Variants in GBE1 observed in about 807,000 individuals in gnomAD.
The protein encoded by GBE1 is 1,4-alpha-glucan branching enzyme 1, also known as 1,4-alpha-glucan-branching enzyme.
A neutral mutation model predicts 88.8 loss-of-function variants in GBE1; 70 were observed. That is an observed-to-expected ratio of 0.79 (90% CI 0.65 to 0.96). The LOEUF (loss-of-function observed/expected upper bound fraction) is 0.96, where lower values mean the gene tolerates loss of function less well. Ranked by LOEUF, GBE1 falls within the 40% of genes least tolerant of loss-of-function variation. The pLI, the probability that GBE1 is intolerant of heterozygous loss-of-function variation, is 0.00. For synonymous variants in GBE1, 284 were observed against 300.1 expected (o/e 0.95, Z 0.56); for missense variants, 872 against 871.0 (o/e 1.00, Z -0.01).
intron 14 of GBE1, among the ~76,000 whole-genome samples, chr3:81,523,894 G>A (rs543876626): frequency 9.2e-5 from 14 of 151,576 alleles, no homozygotes; most frequent in South Asian, 2.1e-4. Context: ...TTGTTCATTC[G>A]TGTACTGATG....
chr3:81,607,502 T>C (rs762193968), intron 7 of GBE1, among the ~76,000 whole-genome samples: 3 of 152,082 alleles, frequency 2.0e-5, no homozygotes, highest in Non-Finnish European at 4.4e-5. Context: ...TGAGCCAAGA[T>C]TGAGCCACTG....
At chr3:81,738,253 T>C (rs1212947074) in intron 1 of GBE1, among the ~76,000 whole-genome samples, 1 of 151,378 alleles carries the variant, frequency 6.6e-6, no homozygotes, top group Non-Finnish European at 1.5e-5. Flanking sequence ...TTTATAGTCC[T>C]TTGGGTATAT....
chr3:81,571,250 T>C (rs1446997155), intron 12 of GBE1, among the ~76,000 whole-genome samples: 1 of 152,158 alleles, frequency 6.6e-6, no homozygotes, highest in Non-Finnish European at 1.5e-5. Context: ...AGGGAAGACA[T>C]TAGACATGGA....
intron 7 of GBE1, among the ~76,000 whole-genome samples, chr3:81,609,735 AC>A (rs1704147453): frequency 6.6e-6 from 1 of 152,118 alleles, no homozygotes; most frequent in East Asian, 1.9e-4. Flanking sequence ...TTTGATTTAT[AC>A]CTTTACAAAG....
chr3:81,582,018 A>G (rs997381551), intron 10 of GBE1, among the ~76,000 whole-genome samples: 2 of 150,734 alleles, frequency 1.3e-5, no homozygotes, highest in African/African-American at 4.9e-5. Context: ...CTTGCTTTAT[A>G]TTGTTTTGTT....
intron 12 of GBE1, among the ~76,000 whole-genome samples, chr3:81,566,849 G>A (rs1486413231): frequency 6.6e-6 from 1 of 152,076 alleles, no homozygotes; most frequent in Non-Finnish European, 1.5e-5. Flanking sequence ...TGGAACTACA[G>A]TTCTCCTTTA....
intron 1 of GBE1, among the ~76,000 whole-genome samples, chr3:81,714,325 T>C (rs894980768): frequency 1.3e-5 from 2 of 152,208 alleles, no homozygotes; most frequent in African/African-American, 4.8e-5. Context: ...ATCCTAATCC[T>C]ACTGCTTACC....
intron 9 of GBE1, among the ~76,000 whole-genome samples, chr3:81,588,767 C>T (rs1159626323): frequency 6.6e-6 from 1 of 152,116 alleles, no homozygotes; most frequent in Admixed American, 6.6e-5. Context: ...TTATTTCTTA[C>T]TATATAAACC....
intron 15 of GBE1, among the ~76,000 whole-genome samples, chr3:81,490,718 G>A (rs1702425491): frequency 6.6e-6 from 1 of 152,022 alleles, no homozygotes. Flanking sequence ...CAAGAATGAC[G>A]TGAATGGCCC....
chr3:81,761,566 T>A lies in GBE1; in HGVS notation c.-49A>T. The A allele has an allele frequency of 6.4e-7, 1 of 1,563,868 alleles. No homozygotes were observed. On this transcript the variant is annotated 5_prime_UTR_variant, in exon 1 of 16. Transcript: ENST00000429644. ...GAGGCCCGAGAGGTCGAGTGGGGCC[T>A]GAGCGGGCGCTGGAGCTCTAGCTGG... is the stretch of plus-strand genomic sequence containing the variant.
At chr3:81,533,059 A>T (rs1376650863) in intron 14 of GBE1, among the ~76,000 whole-genome samples, 1 of 151,658 alleles carries the variant, frequency 6.6e-6, no homozygotes, top group South Asian at 2.1e-4. Flanking sequence ...GGTTTTATAC[A>T]TCTCTTTCCC....
chr3:81,595,137 AAAAAG>A (rs966696101), intron 7 of GBE1, among the ~76,000 whole-genome samples: 6 of 151,268 alleles, frequency 4.0e-5, no homozygotes, highest in Non-Finnish European at 8.9e-5. Context: ...TAAAAAAAAA[AAAAAG>A]AAAAGAAATC....
intron 7 of GBE1, among the ~76,000 whole-genome samples, chr3:81,625,334 T>C (rs917150669): frequency 4.6e-5 from 7 of 152,142 alleles, no homozygotes; most frequent in African/African-American, 1.7e-4. Flanking sequence ...CTTCAGTCAC[T>C]GGAGGCACCT....
intron 14 of GBE1, among the ~76,000 whole-genome samples, chr3:81,504,471 A>C (rs1052186350): frequency 7.3e-6 from 1 of 136,842 alleles, no homozygotes; most frequent in Non-Finnish European, 1.7e-5. Context: ...AACTGGAAAA[A>C]AATACAGTGG....
intron 7 of GBE1, among the ~76,000 whole-genome samples, chr3:81,596,867 T>C (rs996029474): frequency 2.0e-5 from 3 of 151,974 alleles, no homozygotes; most frequent in African/African-American, 7.2e-5. Flanking sequence ...CTAAGATTTG[T>C]CTTTGAAATA....
At chr3:81,691,021 C>T (rs573748243) in intron 2 of GBE1, among the ~76,000 whole-genome samples, 4 of 151,624 alleles carry the variant, frequency 2.6e-5, no homozygotes, top group Non-Finnish European at 4.4e-5. Flanking sequence ...CTGTGGAGCA[C>T]TGTACACAGG....
rs550196201 is a variant in GBE1, at chr3:81,698,649, T to C, written c.313+6795A>G. 3.4e-4 allele frequency among the ~76,000 whole-genome samples: 52 copies of C among 152,216 alleles called. 1 individual carries two copies. The South Asian group carries it at 0.011, about 31-fold the overall frequency. ...ATAAAATTATGATATAGAATTATAA[T>C]GGGAAAAAGTAGCATGGATGGGATT... On this transcript the variant is annotated intron_variant, in intron 2 of 15. Transcript: ENST00000429644.
chr3:81,629,565 T>C (rs1704475898), intron 7 of GBE1, among the ~76,000 whole-genome samples: 1 of 152,196 alleles, frequency 6.6e-6, no homozygotes, highest in Non-Finnish European at 1.5e-5. Flanking sequence ...ATTTACCCAA[T>C]GTAATGATTA....
chr3:81,705,878 C>T (rs1705769176), intron 1 of GBE1, among the ~76,000 whole-genome samples: 1 of 152,130 alleles, frequency 6.6e-6, no homozygotes, highest in African/African-American at 2.4e-5. Context: ...TATACTATTT[C>T]ATGAATTTTT....
Sources: allele counts gnomAD v4.1 joint callset (sites outside exome capture counted in the v4.1 genomes callset), GRCh38; gene constraint gnomAD v4.1.1; transcripts MANE v1.5; gene names NCBI Gene and HGNC (gene_info 2026-07-23, HGNC 2026-07-21).